Variants in EPHA6 observed in about 807,000 individuals in gnomAD.
EPHA6 encodes ephrin type-A receptor 6.
In EPHA6, 50 loss-of-function variants were observed where a neutral mutation model predicts 112.0. That is an observed-to-expected ratio of 0.45 (90% confidence interval 0.36 to 0.56). The LOEUF (loss-of-function observed/expected upper bound fraction) is 0.56. EPHA6 is among the 20% of genes least tolerant of loss of function. The probability of loss-of-function intolerance (pLI) is 0.00; values close to 1 mark genes in which losing one functional copy is unlikely to be tolerated. For missense variants in EPHA6, 1,280 were observed against 1,417.4 expected (o/e 0.90, Z 1.56); for synonymous variants, 529 against 490.7 (o/e 1.08, Z -1.03).
At position 97,214,038 on chromosome 3, in the gene EPHA6, T is replaced by TGTGTGTGTGTGAGA. The variant is rs1491420279; in HGVS notation, c.1115-12225_1115-12224insTGTGTGTGTGAGAG. ...GTGTGTGTGTGTGTGTGTGTGTGTG[T>TGTGTGTGTGTGAGA]GAGAGAGAGAGAGAGAGGGAGAGGG... On this transcript the variant is annotated intron_variant, in intron 3 of 17. Transcript: ENST00000389672. Among the ~76,000 whole-genome samples, 482 of 77,810 alleles carry TGTGTGTGTGTGAGA rather than the reference T, an allele frequency of 6.2e-3. 4 individuals are homozygous for TGTGTGTGTGTGAGA. The highest frequency in any genetic ancestry group is 0.015 in the African/African-American group (440 of 28,628). 51.0% of individuals were successfully genotyped at this position (77,810 alleles called of 152,430 possible).
chr3:96,834,564 T>G (rs978459475), intron 1 of EPHA6, among the ~76,000 whole-genome samples: 6 of 152,028 alleles, frequency 3.9e-5, no homozygotes, highest in Non-Finnish European at 7.4e-5. Flanking sequence ...TGTTGTTGTT[T>G]TTTTTCCTTC....
At chr3:97,040,242 T>A (rs1462536661) in intron 3 of EPHA6, among the ~76,000 whole-genome samples, 2 of 151,902 alleles carry the variant, frequency 1.3e-5, no homozygotes, top group African/African-American at 2.4e-5. Context: ...TTAAATAAAT[T>A]TTAGATACTT....
intron 12 of EPHA6, among the ~76,000 whole-genome samples, chr3:97,602,405 C>G (rs964057051): frequency 2.6e-5 from 4 of 151,914 alleles, no homozygotes; most frequent in African/African-American, 9.7e-5. Flanking sequence ...TCATAATACC[C>G]TTCCAGGATA....
chr3:97,481,418 C>G (rs1175369842), intron 9 of EPHA6: 4 of 1,429,462 alleles, frequency 2.8e-6, no homozygotes, highest in Non-Finnish European at 3.9e-6. Flanking sequence ...ATCTGTTCGC[C>G]TTTCTCCAAA....
chr3:96,842,034 G>A (rs2034784105), intron 1 of EPHA6, among the ~76,000 whole-genome samples: 1 of 152,018 alleles, frequency 6.6e-6, no homozygotes, highest in African/African-American at 2.4e-5. Context: ...TGTTGCAGCT[G>A]CCACGAAGCC....
intron 3 of EPHA6, among the ~76,000 whole-genome samples, chr3:97,082,763 G>A (rs962506724): frequency 2.6e-5 from 4 of 151,776 alleles, no homozygotes; most frequent in East Asian, 3.9e-4. Context: ...TCTCTGGCCT[G>A]GGGCACAATC....
chr3:97,167,984 T>C (rs1480714901), intron 3 of EPHA6, among the ~76,000 whole-genome samples: 1 of 152,038 alleles, frequency 6.6e-6, no homozygotes, highest in East Asian at 1.9e-4. Context: ...CTAATAAAGA[T>C]TTAAACTATT....
chr3:96,987,404 A>C lies in EPHA6; in HGVS notation c.525A>C (p.Pro175=). The C allele has an allele frequency of 6.2e-7, 1 of 1,613,964 alleles. No individual in the cohort carries two copies. Among genetic ancestry groups the C allele is most frequent in the Middle Eastern group, 1.7e-4 (1 of 6,060 alleles). Residue 175 remains proline, a synonymous_variant, in exon 3 of 18, where the codon CCA becomes CCC. Transcript: ENST00000389672. ...ACCAGGTATGTAATGTAATGGAACC[A>C]AACCAAAACAACTGGCTTCGTACAA... is the stretch of plus-strand genomic sequence containing the variant. ...HTYQVCNVME[P]NQNNWLRTNW...
intron 13 of EPHA6, among the ~76,000 whole-genome samples, chr3:97,622,078 T>C (rs573057308): frequency 9.9e-5 from 15 of 151,976 alleles, no homozygotes; most frequent in Middle Eastern, 3.4e-3. Flanking sequence ...ACATAAAATT[T>C]ACCATCTTAA....
intron 10 of EPHA6, among the ~76,000 whole-genome samples, chr3:97,521,211 G>A (rs1208013981): frequency 6.8e-6 from 1 of 147,796 alleles, no homozygotes; most frequent in Non-Finnish European, 1.5e-5. Context: ...TTTTTTTTTG[G>A]AATTTGTTGC....
chr3:97,103,677 C>T (rs1048165515), intron 3 of EPHA6, among the ~76,000 whole-genome samples: 12 of 151,862 alleles, frequency 7.9e-5, no homozygotes, highest in African/African-American at 2.7e-4. Context: ...TATTGTTGTT[C>T]TGTGAAAATG....
intron 3 of EPHA6, among the ~76,000 whole-genome samples, chr3:97,108,385 G>T (rs187271161): frequency 6.6e-4 from 101 of 152,274 alleles, no homozygotes; most frequent in Non-Finnish European, 9.4e-4. Context: ...TCCAGCCCTG[G>T]TATGGGATTG....
At chr3:97,097,603 A>G (rs1315101134) in intron 3 of EPHA6, among the ~76,000 whole-genome samples, 2 of 151,882 alleles carry the variant, frequency 1.3e-5, no homozygotes, top group East Asian at 3.9e-4. Flanking sequence ...AGCTTTATAT[A>G]AAAGATAGTT....
intron 6 of EPHA6, among the ~76,000 whole-genome samples, chr3:97,433,918 C>T (rs1201572360): frequency 1.3e-5 from 2 of 152,052 alleles, no homozygotes; most frequent in Admixed American, 1.3e-4. Flanking sequence ...TGGCTTGGTG[C>T]TTTCTAATGG....
intron 3 of EPHA6, among the ~76,000 whole-genome samples, chr3:97,063,460 C>A (rs567754389): frequency 1.3e-5 from 2 of 152,230 alleles, no homozygotes; most frequent in South Asian, 4.1e-4. Flanking sequence ...AGCAGAAAAC[C>A]AAACACTGCA....
chr3:97,664,625 T>C (rs1277676319), intron 14 of EPHA6, among the ~76,000 whole-genome samples: 1 of 152,162 alleles, frequency 6.6e-6, no homozygotes, highest in Non-Finnish European at 1.5e-5. Flanking sequence ...GAGCAAATTC[T>C]CAGGATACAA....
Position 97,756,163 on chromosome 3 carries a change from AG to A in EPHA6, c.*7463del, listed in dbSNP as rs1167420332. Among the ~76,000 whole-genome samples, 1 of 152,102 alleles carries A rather than the reference AG, an allele frequency of 6.6e-6. No individual in the cohort carries two copies. Among genetic ancestry groups the A allele is most frequent in the Non-Finnish European group, 1.5e-5 (1 of 67,848 alleles). ...ATCTACCCAGTAATATAATTATTAA[AG>A]TCATGAGGAAGTTTTTCTTTGACTG... On this transcript the variant is annotated 3_prime_UTR_variant, in exon 18 of 18. Transcript: ENST00000389672.
At chr3:97,071,476 A>G (rs1250934800) in intron 3 of EPHA6, among the ~76,000 whole-genome samples, 2 of 152,062 alleles carry the variant, frequency 1.3e-5, no homozygotes, top group Non-Finnish European at 2.9e-5. Flanking sequence ...CCTCAGAATC[A>G]TGGCGGAAGG....
At chr3:97,354,536 C>CA (rs2083969243) in intron 5 of EPHA6, among the ~76,000 whole-genome samples, 1 of 151,940 alleles carries the variant, frequency 6.6e-6, no homozygotes, top group Admixed American at 6.6e-5. Context: ...AGCTTGAAGA[C>CA]AGGCTATTTG....
Sources: gnomAD v4.1 joint callset for allele counts (sites outside exome capture counted in the v4.1 genomes callset) on GRCh38, gnomAD v4.1.1 for gene constraint, MANE v1.5 for transcripts, NCBI Gene and HGNC (gene_info 2026-07-23, HGNC 2026-07-21) for gene names.